Variants in NTRK2 observed in about 807,000 individuals in gnomAD.
The protein encoded by NTRK2 is BDNF/NT-3 growth factors receptor.
In NTRK2, 13 loss-of-function variants were observed where a neutral mutation model predicts 94.5. The observed-to-expected ratio is 0.14, with a 90% CI of 0.09 to 0.22. The LOEUF is 0.22. NTRK2 is among the 10% of genes least tolerant of loss of function. The pLI is 1.00. For synonymous variants in NTRK2, 372 were observed against 407.4 expected, an observed-to-expected ratio of 0.91 and a Z score of 1.05; for missense variants, 639 against 1,071.2, an observed-to-expected ratio of 0.60 and a Z score of 5.63.
At chr9:84,920,242 T>A (rs1161582213) in intron 14 of NTRK2, among the ~76,000 whole-genome samples, 1 of 152,210 alleles carries the variant, frequency 6.6e-6, no homozygotes, top group Non-Finnish European at 1.5e-5. Context: ...GTTGGTTGAC[T>A]GAAGTAGTCT....
intron 14 of NTRK2, among the ~76,000 whole-genome samples, chr9:84,926,165 C>CTTGCTTTCTTTCTTT (rs2077786173): frequency 1.9e-4 from 9 of 48,384 alleles, no homozygotes; most frequent in African/African-American, 6.5e-4. Flanking sequence ...TTCCTTCCTT[C>CTTGCTTTCTTTCTTT]CTTCCTTTCT....
intron 6 of NTRK2, among the ~76,000 whole-genome samples, chr9:84,712,277 G>C (rs1346304738): frequency 6.6e-6 from 1 of 152,202 alleles, no homozygotes; most frequent in Non-Finnish European, 1.5e-5. Flanking sequence ...AGCATTCCGG[G>C]AATGCACCCC....
intron 2 of NTRK2, among the ~76,000 whole-genome samples, chr9:84,700,974 G>A (rs958680642): frequency 1.3e-5 from 2 of 152,154 alleles, no homozygotes; most frequent in African/African-American, 4.8e-5. Context: ...TGGGTACTGA[G>A]CCAGGTGCTG....
chr9:84,873,759 A>G lies in NTRK2; in HGVS notation c.1633+6328A>G, dbSNP rs200047487. 1.3e-5 allele frequency: 14 copies of G among 1,056,164 alleles called. No individual in the cohort carries two copies. In the Admixed American group the frequency reaches 6.0e-4, roughly 45 times the overall value. 65.4% of individuals were successfully genotyped at this position (1,056,164 alleles called of 1,614,324 possible). A position where few individuals can be genotyped will look rare whatever the true frequency, so the allele number is the denominator to read the frequency against. On this transcript the variant is annotated intron_variant, in intron 14 of 18. Coordinates refer to ENST00000277120, the MANE Select transcript of NTRK2 (RefSeq NM_006180.6). ...AAAATCATGTTTTTAGCATCTGACC[A>G]TTGGGTAATATTATTCTTTGTTATC...
chr9:84,670,083 C>T (rs3758318), intron 1 of NTRK2, among the ~76,000 whole-genome samples, 195 bp downstream of exon 1: 4,019 of 152,208 alleles, frequency 0.026, 72 homozygotes, highest in Admixed American at 0.044. Context: ...TCCGCATTCC[C>T]CTTTAAAGGG....
intron 12 of NTRK2, among the ~76,000 whole-genome samples, chr9:84,796,132 T>A (rs1350818116): frequency 2.0e-5 from 3 of 152,176 alleles, no homozygotes; most frequent in African/African-American, 7.2e-5. Context: ...TAGGTTTTTT[T>A]CGCACAGCAA....
At chr9:84,793,849 C>T (rs944553522) in intron 12 of NTRK2, among the ~76,000 whole-genome samples, 5 of 152,328 alleles carry the variant, frequency 3.3e-5, no homozygotes, top group Non-Finnish European at 7.3e-5. Flanking sequence ...AATACAGCCA[C>T]GTCCATTTGT....
At chr9:85,000,065 G>A (rs902464353) in intron 17 of NTRK2, among the ~76,000 whole-genome samples, 7 of 152,128 alleles carry the variant, frequency 4.6e-5, no homozygotes, top group African/African-American at 1.4e-4. Flanking sequence ...CACATCCCAC[G>A]TCCTCATTGC....
intron 15 of NTRK2, among the ~76,000 whole-genome samples, chr9:84,945,191 C>T (rs1458815712): frequency 6.6e-6 from 1 of 152,206 alleles, no homozygotes; most frequent in African/African-American, 2.4e-5. Flanking sequence ...CATTTCCACT[C>T]CTCACTTTGG....
intron 5 of NTRK2, among the ~76,000 whole-genome samples, chr9:84,710,038 C>G (rs2061340119): frequency 1.3e-5 from 2 of 151,998 alleles, no homozygotes; most frequent in South Asian, 4.2e-4. Context: ...CAGGTTCTCT[C>G]TCTCACCTTT....
intron 17 of NTRK2, among the ~76,000 whole-genome samples, chr9:84,993,027 A>C (rs1466041645): frequency 6.6e-6 from 1 of 151,872 alleles, no homozygotes; most frequent in Non-Finnish European, 1.5e-5. Context: ...ATCTTATTTG[A>C]CAATTGGTAT....
At chr9:84,836,955 TATAATATA>T (rs2073911925) in intron 12 of NTRK2, among the ~76,000 whole-genome samples, 1 of 144,378 alleles carries the variant, frequency 6.9e-6, no homozygotes, top group Admixed American at 6.9e-5. Flanking sequence ...TATAATATAA[TATAATATA>T]ATATAATATA....
chr9:84,797,712 TA>T lies in NTRK2; in HGVS notation c.1396+45629del, dbSNP rs527888664. On this transcript the variant is annotated intron_variant, in intron 12 of 18. Transcript: ENST00000277120. ...AATATATATATTATATATACTATAA[TA>T]ATATATATATTATATATTATATATA... 9.2e-5 allele frequency among the ~76,000 whole-genome samples: 7 copies of T among 76,152 alleles called. No homozygotes were observed. In the South Asian group the frequency reaches 1.7e-3, roughly 19 times the overall value. 50.0% of individuals were successfully genotyped at this position (76,152 alleles called of 152,430 possible). A position where few individuals can be genotyped will look rare whatever the true frequency, so the allele number is the denominator to read the frequency against.
chr9:84,767,032 C>T (rs1037515472), intron 12 of NTRK2, among the ~76,000 whole-genome samples: 4 of 152,142 alleles, frequency 2.6e-5, no homozygotes, highest in African/African-American at 9.7e-5. Flanking sequence ...ATGGCCATGG[C>T]CACTTGAGAC....
Position 84,811,635 on chromosome 9 carries a change from C to T in NTRK2, c.1397-49405C>T, listed in dbSNP as rs532000475. ...ATTCTAAGAAGGATAGTCCCCCCTA[C>T]AACATACTGTCATACTGCTGGGTTT... On this transcript the variant is annotated intron_variant, in intron 12 of 18. Transcript: ENST00000277120. 4 of 1,065,362 alleles carry T rather than the reference C, an allele frequency of 3.8e-6. No homozygotes were observed. In the African/African-American group the frequency reaches 6.5e-5, roughly 17 times the overall value. 66.0% of individuals were successfully genotyped at this position (1,065,362 alleles called of 1,614,324 possible). A position where few individuals can be genotyped will look rare whatever the true frequency, so the allele number is the denominator to read the frequency against.
At position 84,995,298 on chromosome 9, in the gene NTRK2, T is replaced by C. The variant is rs574620885; in HGVS notation, c.2173-24908T>C. ...CTACATACTGTTTTGCTTTTTTTTT[T>C]CCCCCAGAACAGTTACAGTGTTGGT... is the stretch of plus-strand genomic sequence containing the variant. On this transcript the variant is annotated intron_variant, in intron 17 of 18. Coordinates refer to ENST00000277120, the MANE Select transcript of NTRK2 (RefSeq NM_006180.6). Among the ~76,000 whole-genome samples, 22 of 152,200 alleles carry C rather than the reference T, an allele frequency of 1.4e-4. No individual in the cohort carries two copies. The South Asian group carries it at 3.1e-3, about 22-fold the overall frequency.
chr9:84,765,967 C>G (rs1050154587), intron 12 of NTRK2, among the ~76,000 whole-genome samples: 6 of 151,868 alleles, frequency 4.0e-5, no homozygotes, highest in African/African-American at 1.5e-4. Flanking sequence ...TTTAAAAAGA[C>G]TATTGGGTAG....
intron 14 of NTRK2, among the ~76,000 whole-genome samples, chr9:84,913,694 T>C (rs2132510300): frequency 6.6e-6 from 1 of 152,230 alleles, no homozygotes; most frequent in East Asian, 1.9e-4. Flanking sequence ...ATTTCTCTCT[T>C]ACTGCTTTCA....
At chr9:84,705,082 T>C (rs1415009817) in intron 4 of NTRK2, among the ~76,000 whole-genome samples, 7 of 152,152 alleles carry the variant, frequency 4.6e-5, no homozygotes, top group Admixed American at 3.9e-4. Context: ...CCCTGGGATA[T>C]ACTGATGATC....
Sources: gnomAD v4.1 joint callset for allele counts (sites outside exome capture counted in the v4.1 genomes callset) on GRCh38, gnomAD v4.1.1 for gene constraint, MANE v1.5 for transcripts, NCBI Gene and HGNC (gene_info 2026-07-23, HGNC 2026-07-21) for gene names.